Variants in PLCB1 observed in about 807,000 individuals in gnomAD.
The protein encoded by PLCB1 is 1-phosphatidylinositol 4,5-bisphosphate phosphodiesterase beta-1.
PLCB1 carries 46 observed loss-of-function variants against 161.8 expected under a neutral mutation model. The ratio of observed to expected loss-of-function variants is 0.28; its 90% CI spans 0.22 to 0.36. The LOEUF is 0.36. Ranked by LOEUF, PLCB1 falls within the 10% of genes least tolerant of loss-of-function variation. The pLI is 1.00. For synonymous variants in PLCB1, 517 were observed against 503.7 expected (o/e 1.03, Z -0.35); for missense variants, 1,016 against 1,472.5 (o/e 0.69, Z 5.07).
chr20:8,810,342 T>C (rs1258583115), intron 31 of PLCB1, among the ~76,000 whole-genome samples: 1 of 152,194 alleles, frequency 6.6e-6, no homozygotes, highest in Admixed American at 6.5e-5. Flanking sequence ...ACTTCGGATG[T>C]ACACCATAGT....
intron 3 of PLCB1, among the ~76,000 whole-genome samples, chr20:8,439,371 T>C (rs541545522): frequency 6.6e-6 from 1 of 152,288 alleles, no homozygotes; most frequent in Admixed American, 6.5e-5. Flanking sequence ...CCTCTTTTTT[T>C]AAAGCCTTCA....
intron 2 of PLCB1, among the ~76,000 whole-genome samples, chr20:8,283,613 A>G (rs1378677237): frequency 1.3e-5 from 2 of 151,810 alleles, no homozygotes; most frequent in Non-Finnish European, 2.9e-5. Flanking sequence ...TCTCTAAGAT[A>G]TGTAACTTAT....
chr20:8,277,019 A>ATTATTATTATT (rs1170430910), intron 2 of PLCB1, among the ~76,000 whole-genome samples: 1 of 136,022 alleles, frequency 7.4e-6, no homozygotes, highest in Admixed American at 7.5e-5. Context: ...TATTATTGTT[A>ATTATTATTATT]GAGATGGAGT....
At chr20:8,838,011 G>T (rs2146286529) in intron 31 of PLCB1, among the ~76,000 whole-genome samples, 1 of 151,412 alleles carries the variant, frequency 6.6e-6, no homozygotes, top group South Asian at 2.1e-4. Flanking sequence ...GAAAGTAAAA[G>T]AGATAGGCTG....
At chr20:8,244,459 T>C (rs980606832) in intron 2 of PLCB1, among the ~76,000 whole-genome samples, 1 of 151,926 alleles carries the variant, frequency 6.6e-6, no homozygotes, top group African/African-American at 2.4e-5. Context: ...AGAAATGTCA[T>C]GTTAAGTGGA....
At chr20:8,688,024 C>A (rs1990396781) in intron 10 of PLCB1, among the ~76,000 whole-genome samples, 1 of 152,130 alleles carries the variant, frequency 6.6e-6, no homozygotes, top group Non-Finnish European at 1.5e-5. Flanking sequence ...GGATTATGGC[C>A]ATTGTTGCAA....
At chr20:8,248,956 A>G (rs552887122) in intron 2 of PLCB1, among the ~76,000 whole-genome samples, 2 of 152,072 alleles carry the variant, frequency 1.3e-5, no homozygotes, top group South Asian at 2.1e-4. Flanking sequence ...CTAAAGAGGT[A>G]TGGTCTTTTC....
chr20:8,176,168 A>G (rs1188047353), intron 2 of PLCB1, among the ~76,000 whole-genome samples: 1 of 152,212 alleles, frequency 6.6e-6, no homozygotes. Context: ...TTTTAAAAGT[A>G]TGTTCACACA....
chr20:8,399,985 A>G (rs987418238), intron 3 of PLCB1, among the ~76,000 whole-genome samples: 2 of 152,176 alleles, frequency 1.3e-5, no homozygotes, highest in African/African-American at 4.8e-5. Context: ...ATTCATGTTG[A>G]CAGGCCCTTT....
At chr20:8,733,007 A>C (rs1272868084) in intron 18 of PLCB1, among the ~76,000 whole-genome samples, 1 of 151,778 alleles carries the variant, frequency 6.6e-6, no homozygotes, top group Non-Finnish European at 1.5e-5. Flanking sequence ...TCAACAATAT[A>C]TTTGAAGTGG....
chr20:8,385,995 T>A (rs534125545), intron 3 of PLCB1, among the ~76,000 whole-genome samples: 1 of 152,370 alleles, frequency 6.6e-6, no homozygotes, highest in East Asian at 1.9e-4. Context: ...ATTATAAGAT[T>A]GCAGCAAAGC....
At chr20:8,650,932 A>T (rs974531665) in intron 7 of PLCB1, among the ~76,000 whole-genome samples, 2 of 152,200 alleles carry the variant, frequency 1.3e-5, no homozygotes, top group African/African-American at 4.8e-5. Flanking sequence ...ACAAGCATGT[A>T]ACATGCTTTC....
intron 3 of PLCB1, among the ~76,000 whole-genome samples, chr20:8,452,718 A>G (rs1044550250): frequency 6.6e-6 from 1 of 152,232 alleles, no homozygotes; most frequent in Non-Finnish European, 1.5e-5. Context: ...AGAAAAAGCC[A>G]AAGAGAAGAA....
chr20:8,197,615 T>G lies in PLCB1; in HGVS notation c.177+47244T>G, dbSNP rs1355619908. Among the ~76,000 whole-genome samples the G allele has an allele frequency of 3.3e-5, 5 of 152,212 alleles. No individual in the cohort carries two copies. The East Asian group carries it at 9.6e-4, about 29-fold the overall frequency. ...TTTCTGCCATTCTGTAGGTTGCCTGTTCACTCTGATAGTAGTTTCTTTTGC... is the reference window on the plus strand; with the variant it reads ...TTTCTGCCATTCTGTAGGTTGCCTGGTCACTCTGATAGTAGTTTCTTTTGC... On this transcript the variant is annotated intron_variant, in intron 2 of 31. Coordinates refer to ENST00000338037, the MANE Select transcript of PLCB1 (RefSeq NM_015192.4).
At chr20:8,357,615 A>C (rs1986401329) in intron 2 of PLCB1, among the ~76,000 whole-genome samples, 1 of 152,132 alleles carries the variant, frequency 6.6e-6, no homozygotes, top group South Asian at 2.1e-4. Context: ...CCAGGAGTTC[A>C]AGATCAGCCT....
At chr20:8,798,643 G>A (rs1030490098) in intron 31 of PLCB1, among the ~76,000 whole-genome samples, 1 of 152,170 alleles carries the variant, frequency 6.6e-6, no homozygotes, top group Non-Finnish European at 1.5e-5. Context: ...ATGGGCAGGG[G>A]AAGTGATTGC....
intron 3 of PLCB1, among the ~76,000 whole-genome samples, chr20:8,442,780 G>A (rs1205796866): frequency 1.3e-5 from 2 of 152,046 alleles, no homozygotes; most frequent in African/African-American, 4.8e-5. Flanking sequence ...CCATGACATT[G>A]AAACTAGTAA....
chr20:8,409,386 G>A, intron 3 of PLCB1, among the ~76,000 whole-genome samples: 1 of 152,036 alleles, frequency 6.6e-6, no homozygotes, highest in East Asian at 1.9e-4. Context: ...TTTCTTGAAT[G>A]AAATTTGACA....
At chr20:8,662,202 CTATAT>C (rs1192035009) in intron 9 of PLCB1, among the ~76,000 whole-genome samples, 4 of 41,868 alleles carry the variant, frequency 9.6e-5, no homozygotes, top group Non-Finnish European at 1.8e-4. Flanking sequence ...TTATATAATT[CTATAT>C]TATATATAAT....
Sources: gnomAD v4.1 joint callset for allele counts (sites outside exome capture counted in the v4.1 genomes callset) on GRCh38, gnomAD v4.1.1 for gene constraint, MANE v1.5 for transcripts, NCBI Gene and HGNC (gene_info 2026-07-23, HGNC 2026-07-21) for gene names.